The following STX7 variants were observed in gnomAD, a reference collection of about 807,000 sequenced individuals.
STX7 encodes syntaxin-7.
In STX7, 34 loss-of-function variants were observed where a neutral mutation model predicts 39.6. The ratio of observed to expected loss-of-function variants is 0.86; its 90% CI spans 0.65 to 1.14. STX7 has a LOEUF of 1.14. Ranked by LOEUF, STX7 falls within the 50% of genes most tolerant of loss-of-function variation. The pLI is 0.00. For synonymous variants in STX7, 119 were observed against 99.1 expected (o/e 1.20, Z -1.19); for missense variants, 284 against 310.4 (o/e 0.92, Z 0.64).
At chr6:132,508,341 C>T (rs1229669933) in intron 1 of STX7, among the ~76,000 whole-genome samples, 1 of 152,134 alleles carries the variant, frequency 6.6e-6, no homozygotes, top group African/African-American at 2.4e-5. Flanking sequence ...CACCTTTTTT[C>T]CTCTCTGGAA....
Position 132,474,874 on chromosome 6 carries a change from G to C in STX7, c.155+719C>G, listed in dbSNP as rs750625903. On this transcript the variant is annotated intron_variant, in intron 3 of 9. Transcript: ENST00000367941. The stretch of plus-strand genomic sequence containing the variant: ...CATTATAACTTTTTTTTAAACGGAA[G>C]CTAATGCTCTCTGAAATTCAAGGAT... Among the ~76,000 whole-genome samples, 151 of 152,040 alleles carry C rather than the reference G, an allele frequency of 9.9e-4. 1 individual carries two copies. The highest frequency in any genetic ancestry group is 6.8e-4 in the Non-Finnish European group (46 of 68,006).
In STX7 at chr6:132,480,688, T is replaced by C. The variant is rs537490493; in HGVS notation, c.86-5026A>G. Reference sequence around the variant, plus strand: ...TCATAAAAGTGAGTACCACATAGCCTGTGAGCAGGAGCAACAAGGACCCAG... The same window carrying C: ...TCATAAAAGTGAGTACCACATAGCCCGTGAGCAGGAGCAACAAGGACCCAG... On this transcript the variant is annotated intron_variant, in intron 2 of 9. Coordinates refer to ENST00000367941, the MANE Select transcript of STX7 (RefSeq NM_003569.3). Among the ~76,000 whole-genome samples the C allele has an allele frequency of 7.2e-5, 11 of 152,308 alleles. No homozygotes were observed. The East Asian group carries it at 2.1e-3, about 29-fold the overall frequency.
At chr6:132,471,279 G>A (rs917295276) in intron 5 of STX7, among the ~76,000 whole-genome samples, 184 bp downstream of exon 5, 2 of 151,966 alleles carry the variant, frequency 1.3e-5, no homozygotes, top group Admixed American at 1.3e-4. Context: ...AATCACCACC[G>A]TAATACAAAA....
chr6:132,502,852 T>C (rs1178873546), intron 2 of STX7, among the ~76,000 whole-genome samples: 5 of 151,798 alleles, frequency 3.3e-5, no homozygotes, highest in Non-Finnish European at 7.4e-5. Context: ...TGAGCCAAGA[T>C]CGTACCACTG....
At chr6:132,470,090 T>C (rs1313616543) in intron 6 of STX7, 43 bp from the exon 7 acceptor site, 1 of 1,402,670 alleles carries the variant, frequency 7.1e-7, no homozygotes, top group Non-Finnish European at 9.7e-7. Context: ...AAGATTGGTA[T>C]TCAAAACAAT....
intron 2 of STX7, among the ~76,000 whole-genome samples, chr6:132,489,004 C>A (rs947766340): frequency 1.3e-5 from 2 of 151,900 alleles, no homozygotes; most frequent in Non-Finnish European, 2.9e-5. Flanking sequence ...GAGTTCGAGA[C>A]CAACCTGGCC....
intron 3 of STX7, among the ~76,000 whole-genome samples, chr6:132,473,113 T>G (rs1774776347): frequency 6.6e-6 from 1 of 152,108 alleles, no homozygotes; most frequent in South Asian, 2.1e-4. Flanking sequence ...GAGCTGAGAT[T>G]GCACCACTGC....
rs987309638 is a variant in STX7 at position 132,456,161 on chromosome 6, C to T, written c.*4597G>A. On this transcript the variant is annotated 3_prime_UTR_variant, in exon 10 of 10. Coordinates refer to ENST00000367941, the MANE Select transcript of STX7 (RefSeq NM_003569.3). Reference sequence around the variant, plus strand: ...GAACGGCTCCTTTTTGGAGCCATTACACACAGATCATCACTCAAATCAGTA... The same window carrying T: ...GAACGGCTCCTTTTTGGAGCCATTATACACAGATCATCACTCAAATCAGTA... 6.6e-6 allele frequency: 1 copy of T among 152,060 alleles called. No individual in the cohort carries two copies. The highest frequency in any genetic ancestry group is 1.5e-5 in the Non-Finnish European group (1 of 68,014). The allele number at this position is 152,060 out of a possible 1,614,324, so 9.4% of individuals were successfully genotyped here. A position where few individuals can be genotyped will look rare whatever the true frequency, so the allele number is the denominator to read the frequency against.
At chr6:132,508,277 C>T (rs934063095) in intron 1 of STX7, among the ~76,000 whole-genome samples, 1 of 152,214 alleles carries the variant, frequency 6.6e-6, no homozygotes, top group Non-Finnish European at 1.5e-5. Flanking sequence ...TTTTCCTTAC[C>T]CTTAAAACTC....
At chr6:132,464,242 T>C (rs1365263692) in intron 8 of STX7, among the ~76,000 whole-genome samples, 167 bp from the exon 9 acceptor site, 2 of 152,216 alleles carry the variant, frequency 1.3e-5, no homozygotes, top group Non-Finnish European at 2.9e-5. Context: ...AGAATTATAG[T>C]ATACACCTAT....
intron 2 of STX7, among the ~76,000 whole-genome samples, chr6:132,501,561 C>G (rs989909150): frequency 1.2e-4 from 19 of 152,194 alleles, no homozygotes; most frequent in Non-Finnish European, 5.9e-5. Flanking sequence ...TAAGTCAACT[C>G]TTTTCTCCTT....
intron 2 of STX7, among the ~76,000 whole-genome samples, chr6:132,498,548 A>T (rs970868818): frequency 2.0e-5 from 3 of 152,230 alleles, no homozygotes; most frequent in Non-Finnish European, 1.5e-5. Flanking sequence ...ACAGATGCTC[A>T]TATTCTAATT....
Position 132,470,648 on chromosome 6 carries a change from T to C in STX7, c.388-22A>G, listed in dbSNP as rs989434339. ...TGCCCTGAATAATTTAGTAACAGGA[T>C]GGAATGAGAAGGGGCAAAAAAAGCA... On this transcript the variant is annotated intron_variant, in intron 5 of 9. Coordinates refer to ENST00000367941, the MANE Select transcript of STX7 (RefSeq NM_003569.3). 4 of 1,597,264 alleles carry C rather than the reference T, an allele frequency of 2.5e-6. No homozygotes were observed. In the South Asian group the frequency reaches 3.4e-5, roughly 13 times the overall value.
intron 2 of STX7, among the ~76,000 whole-genome samples, chr6:132,484,105 T>C (rs1775073440): frequency 1.3e-5 from 2 of 152,254 alleles, no homozygotes; most frequent in South Asian, 4.1e-4. Flanking sequence ...CATGTGTCTC[T>C]ACGAGAATAC....
intron 8 of STX7, 30 bp from the exon 9 acceptor site, chr6:132,464,105 T>C (rs780614354): frequency 4.2e-5 from 66 of 1,579,960 alleles, no homozygotes; most frequent in Non-Finnish European, 5.6e-5. Flanking sequence ...CACACAAATG[T>C]GTTAAACATG....
intron 1 of STX7, among the ~76,000 whole-genome samples, chr6:132,508,557 C>A (rs933989759): frequency 1.3e-5 from 2 of 152,194 alleles, no homozygotes; most frequent in African/African-American, 4.8e-5. Context: ...AGCACCCAGG[C>A]TGGAGTGCAG....
chr6:132,495,410 A>T (rs1775399393), intron 2 of STX7, among the ~76,000 whole-genome samples: 1 of 152,192 alleles, frequency 6.6e-6, no homozygotes, highest in South Asian at 2.1e-4. Flanking sequence ...AAACCATCCA[A>T]CCACATTTTC....
intron 2 of STX7, among the ~76,000 whole-genome samples, chr6:132,476,571 A>G (rs1193115072): frequency 1.3e-5 from 2 of 152,190 alleles, no homozygotes; most frequent in African/African-American, 4.8e-5. Context: ...ACTATAAAGA[A>G]AATCATAGGG....
chr6:132,497,835 G>T (rs1775454472), intron 2 of STX7, among the ~76,000 whole-genome samples: 1 of 152,160 alleles, frequency 6.6e-6, no homozygotes, highest in African/African-American at 2.4e-5. Flanking sequence ...ATGATAGAAG[G>T]TAAACAGGCA....
Sources: allele counts gnomAD v4.1 joint callset (sites outside exome capture counted in the v4.1 genomes callset), GRCh38; gene constraint gnomAD v4.1.1; transcripts MANE v1.5; gene names NCBI Gene and HGNC (gene_info 2026-07-23, HGNC 2026-07-21).